Variants in ANXA13 observed in about 807,000 individuals in gnomAD.
ANXA13 encodes the protein annexin A13, also known as annexin XIII.
ANXA13 carries 36 observed loss-of-function variants against 46.6 expected under a neutral mutation model. That is an observed-to-expected ratio of 0.77 (90% CI 0.59 to 1.02). The LOEUF (loss-of-function observed/expected upper bound fraction) is 1.02, where lower values mean the gene tolerates loss of function less well. ANXA13 is among the 50% of genes least tolerant of loss of function. The pLI is 0.00. For synonymous variants in ANXA13, 163 were observed against 152.9 expected, an observed-to-expected ratio of 1.07 and a Z score of -0.49; for missense variants, 417 against 396.5, an observed-to-expected ratio of 1.05 and a Z score of -0.44.
At chr8:123,693,642 A>C in intron 7 of ANXA13, 69 bp downstream of exon 7, 1 of 1,364,448 alleles carries the variant, frequency 7.3e-7, no homozygotes. Flanking sequence ...TGAAATAAAC[A>C]TTTGTTGAAA....
At chr8:123,732,602 C>T (rs1360431702) in intron 1 of ANXA13, among the ~76,000 whole-genome samples, 1 of 152,060 alleles carries the variant, frequency 6.6e-6, no homozygotes, top group East Asian at 1.9e-4. Context: ...TTTCATTTAA[C>T]ATGTTCTTCC....
intron 1 of ANXA13, among the ~76,000 whole-genome samples, chr8:123,733,683 C>A (rs1006816337): frequency 2.6e-5 from 4 of 152,194 alleles, no homozygotes; most frequent in African/African-American, 7.2e-5. Flanking sequence ...CCTTTGTCCC[C>A]AGTGTGCAGA....
intron 1 of ANXA13, among the ~76,000 whole-genome samples, chr8:123,729,668 T>C (rs956592567): frequency 1.3e-5 from 2 of 152,186 alleles, no homozygotes. Flanking sequence ...CCAGAGTATG[T>C]CTGACAGAAA....
chr8:123,735,664 G>T, intron 1 of ANXA13: 1 of 1,391,386 alleles, frequency 7.2e-7, no homozygotes, highest in Non-Finnish European at 9.5e-7. Flanking sequence ...CTGGTGGAGG[G>T]TCCAACATGA....
intron 1 of ANXA13, among the ~76,000 whole-genome samples, chr8:123,733,311 TCACAGTTTAATG>T (rs975821271): frequency 6.6e-6 from 1 of 152,192 alleles, no homozygotes; most frequent in Non-Finnish European, 1.5e-5. Flanking sequence ...GGATTTGGGA[TCACAGTTTAATG>T]CACACCCTTG....
intron 1 of ANXA13, among the ~76,000 whole-genome samples, chr8:123,717,581 T>C (rs1813779339): frequency 2.0e-5 from 3 of 152,246 alleles, no homozygotes; most frequent in African/African-American, 7.2e-5. Context: ...AGCAACATCA[T>C]ATTTATAATA....
intron 2 of ANXA13, among the ~76,000 whole-genome samples, chr8:123,711,345 A>T (rs1813653839): frequency 1.3e-5 from 2 of 152,112 alleles, no homozygotes; most frequent in Admixed American, 6.5e-5. Flanking sequence ...AAATCCTTCC[A>T]TCTGTGCTTT....
In ANXA13 at chr8:123,690,854, G is replaced by A. The variant is rs933238417; in HGVS notation, c.643-1908C>T. On this transcript the variant is annotated intron_variant, in intron 8 of 10. Coordinates refer to ENST00000419625, the MANE Select transcript of ANXA13 (RefSeq NM_004306.4). This position sits in a 1 kb window ranked among gnomAD's most constrained non-coding sequence, Gnocchi z 4.6. ...TGGCACTGACTATAGCAGTTAGAGG[G>A]CTGAAGCCTCTGGCGTGGAATAAGG... Among the ~76,000 whole-genome samples, 113 of 152,198 alleles carry A rather than the reference G, an allele frequency of 7.4e-4. 2 individuals carry two copies. Among genetic ancestry groups the A allele is most frequent in the Non-Finnish European group, 2.8e-4 (19 of 68,042 alleles).
chr8:123,695,747 T>C, intron 4 of ANXA13, 26 bp from the exon 5 acceptor site: 1 of 1,596,916 alleles, frequency 6.3e-7, no homozygotes, highest in Non-Finnish European at 8.6e-7. Context: ...TACAAAAAAA[T>C]CAATATTCCA....
At chr8:123,695,178 A>C (rs984835167) in intron 6 of ANXA13, among the ~76,000 whole-genome samples, 6 of 152,124 alleles carry the variant, frequency 3.9e-5, no homozygotes, top group African/African-American at 1.4e-4. Context: ...TACTGGCTGC[A>C]TGAACCTGGG....
At chr8:123,737,210 G>C (rs577145189) in intron 1 of ANXA13, 110 bp downstream of exon 1, 17 of 1,116,752 alleles carry the variant, frequency 1.5e-5, no homozygotes, top group Admixed American at 2.1e-5. Flanking sequence ...CAATATTAAA[G>C]GGTAACCATA....
chr8:123,705,258 C>T (rs148915243), intron 2 of ANXA13, among the ~76,000 whole-genome samples: 11 of 152,330 alleles, frequency 7.2e-5, no homozygotes, highest in Non-Finnish European at 1.3e-4. Flanking sequence ...TTAGCCTTCA[C>T]CCCGATACCA....
chr8:123,697,144 C>A (rs902888050), intron 4 of ANXA13, among the ~76,000 whole-genome samples: 1 of 152,174 alleles, frequency 6.6e-6, no homozygotes, highest in Admixed American at 6.5e-5. Context: ...TCCGTCTGAC[C>A]TCAAGTGATC....
intron 1 of ANXA13, among the ~76,000 whole-genome samples, chr8:123,723,006 C>T (rs763047094): frequency 5.9e-5 from 9 of 152,190 alleles, no homozygotes; most frequent in East Asian, 1.9e-4. Context: ...TGAAAAGACA[C>T]GAAGCCAGTG....
chr8:123,720,387 C>T (rs1262370383), intron 1 of ANXA13, among the ~76,000 whole-genome samples: 1 of 152,120 alleles, frequency 6.6e-6, no homozygotes, highest in East Asian at 1.9e-4. Context: ...ACCTGATTCT[C>T]CTCGGTTTAG....
rs112582075 is a variant in ANXA13 at position 123,690,415 on chromosome 8, C to T, written c.643-1469G>A. ...TTGGCATCTATACCATGTTTTTGCC[C>T]GCTCAGGTTTTTTCCTTGCACAACT... On this transcript the variant is annotated intron_variant, in intron 8 of 10. Coordinates refer to ENST00000419625, the MANE Select transcript of ANXA13 (RefSeq NM_004306.4). The surrounding 1 kb of genome is among the most constrained non-coding windows in gnomAD (Gnocchi z 4.6). 1.3e-3 allele frequency among the ~76,000 whole-genome samples: 205 copies of T among 152,192 alleles called. 1 individual carries two copies. The highest frequency in any genetic ancestry group is 4.2e-3 in the African/African-American group (176 of 41,502).
At chr8:123,708,841 C>A (rs569606464) in intron 2 of ANXA13, among the ~76,000 whole-genome samples, 9 of 152,254 alleles carry the variant, frequency 5.9e-5, no homozygotes, top group Non-Finnish European at 1.0e-4. Context: ...GAACCCTTAG[C>A]ATTCTTGGGT....
At chr8:123,687,647 A>G (rs1813164321) in intron 9 of ANXA13, among the ~76,000 whole-genome samples, 1 of 152,188 alleles carries the variant, frequency 6.6e-6, no homozygotes, top group Non-Finnish European at 1.5e-5. Context: ...AACCCCAAAG[A>G]AACCAAACAA....
intron 6 of ANXA13, among the ~76,000 whole-genome samples, chr8:123,695,209 G>T (rs558494544): frequency 6.6e-6 from 1 of 151,696 alleles, no homozygotes; most frequent in Non-Finnish European, 1.5e-5. Flanking sequence ...ACCCTCTCAT[G>T]GCCTACATTT....
Sources: allele counts gnomAD v4.1 joint callset (sites outside exome capture counted in the v4.1 genomes callset), GRCh38; gene constraint gnomAD v4.1.1; non-coding constraint Gnocchi (gnomAD v3.1); transcripts MANE v1.5; gene names NCBI Gene and HGNC (gene_info 2026-07-23, HGNC 2026-07-21).